Variants in TTC28 observed in about 807,000 individuals in gnomAD.
TTC28 encodes the protein tetratricopeptide repeat protein 28.
Under a neutral mutation model 198.0 loss-of-function variants are expected in TTC28, and 61 were observed. The observed-to-expected ratio is 0.31, with a 90% CI of 0.25 to 0.38. The LOEUF (loss-of-function observed/expected upper bound fraction) is 0.38, where lower values mean the gene tolerates loss of function less well. Among genes scored for constraint, TTC28 ranks in the 10% least tolerant of loss-of-function variants. The pLI is 1.00. For synonymous variants in TTC28, 1,171 were observed against 1,297.8 expected, an observed-to-expected ratio of 0.90 and a Z score of 2.10; for missense variants, 2,678 against 3,164.0, an observed-to-expected ratio of 0.85 and a Z score of 3.69.
At chr22:28,377,561 C>G (rs1050183875) in intron 2 of TTC28, among the ~76,000 whole-genome samples, 2 of 152,114 alleles carry the variant, frequency 1.3e-5, no homozygotes, top group Non-Finnish European at 2.9e-5. Flanking sequence ...TGGGGAACTC[C>G]TGTTTAAGTG....
intron 1 of TTC28, among the ~76,000 whole-genome samples, chr22:28,634,716 C>G (rs947505690): frequency 2.0e-5 from 3 of 151,532 alleles, no homozygotes; most frequent in African/African-American, 7.3e-5. Context: ...TCCTGAGTAG[C>G]TGGGATTACA....
At position 28,306,518 on chromosome 22, in the gene TTC28, G is replaced by A. The variant is rs780367848; in HGVS notation, c.507C>T (p.Ala169=). Residue 169 remains alanine (A), a synonymous_variant, in exon 3 of 23, where the codon GCC becomes GCT. Transcript: ENST00000397906. ...SLQLLVGMVE[A]AMKSPMRDSL... ...TACCTCTCATGGGAGATTTCATGGCGGCTTCCACCATCCCCACCAGAAGCT... is the reference window on the plus strand; with the variant it reads ...TACCTCTCATGGGAGATTTCATGGCAGCTTCCACCATCCCCACCAGAAGCT... 40 of 1,550,136 alleles carry A rather than the reference G, an allele frequency of 2.6e-5. No homozygotes were observed. The highest frequency in any genetic ancestry group is 1.2e-4 in the East Asian group (5 of 40,854).
chr22:28,080,388 G>A (rs541257589), intron 12 of TTC28, among the ~76,000 whole-genome samples: 2 of 152,184 alleles, frequency 1.3e-5, no homozygotes, highest in South Asian at 4.1e-4. Flanking sequence ...TCCTAATGAG[G>A]AAAAAGGTTT....
chr22:28,213,899 T>C (rs1349864876), intron 5 of TTC28, among the ~76,000 whole-genome samples: 5 of 152,072 alleles, frequency 3.3e-5, no homozygotes, highest in Admixed American at 1.3e-4. Flanking sequence ...GCTACAGTAA[T>C]CAAAACAGCA....
intron 2 of TTC28, among the ~76,000 whole-genome samples, chr22:28,383,949 T>G (rs1601721097): frequency 6.6e-6 from 1 of 152,176 alleles, no homozygotes; most frequent in South Asian, 2.1e-4. Context: ...CTATATGATC[T>G]TCCCTCCCCT....
At chr22:28,095,499 A>T (rs571098206) in intron 11 of TTC28, among the ~76,000 whole-genome samples, 13 of 152,320 alleles carry the variant, frequency 8.5e-5, no homozygotes, top group African/African-American at 3.1e-4. Flanking sequence ...ATTACCAATT[A>T]TAAGATCCAC....
At chr22:28,307,787 A>C (rs2045174942) in intron 2 of TTC28, among the ~76,000 whole-genome samples, 1 of 152,208 alleles carries the variant, frequency 6.6e-6, no homozygotes. Flanking sequence ...TTTATAACAC[A>C]AACTTATTTT....
chr22:28,669,868 C>CA (rs1168133460), intron 1 of TTC28, among the ~76,000 whole-genome samples: 5 of 152,048 alleles, frequency 3.3e-5, no homozygotes, highest in East Asian at 1.9e-4. Flanking sequence ...CAATTACTGG[C>CA]AAAAAATGTT....
intron 5 of TTC28, among the ~76,000 whole-genome samples, chr22:28,236,079 A>T (rs1929223550): frequency 6.6e-6 from 1 of 152,108 alleles, no homozygotes; most frequent in Non-Finnish European, 1.5e-5. Flanking sequence ...CCATCACCAA[A>T]TGCCTCGTAA....
At chr22:28,530,586 C>T (rs1471113990) in intron 2 of TTC28, among the ~76,000 whole-genome samples, 2 of 152,108 alleles carry the variant, frequency 1.3e-5, no homozygotes, top group African/African-American at 4.8e-5. Flanking sequence ...TCCAGAAGAG[C>T]AACTCTAAGA....
chr22:28,347,735 G>T (rs1417757384), intron 2 of TTC28, among the ~76,000 whole-genome samples: 1 of 152,112 alleles, frequency 6.6e-6, no homozygotes, highest in Non-Finnish European at 1.5e-5. Flanking sequence ...AGCCAGGTGT[G>T]GTGGCAGACC....
At chr22:28,420,021 T>C (rs2047223664) in intron 2 of TTC28, among the ~76,000 whole-genome samples, 1 of 152,252 alleles carries the variant, frequency 6.6e-6, no homozygotes, top group African/African-American at 2.4e-5. Flanking sequence ...TTTTTTCCTA[T>C]GCAGCAAGTT....
chr22:28,234,488 T>C (rs974735320), intron 5 of TTC28, among the ~76,000 whole-genome samples: 1 of 152,052 alleles, frequency 6.6e-6, no homozygotes, highest in African/African-American at 2.4e-5. Flanking sequence ...TTCTCCTGCC[T>C]CAGCCTCCTG....
intron 2 of TTC28, among the ~76,000 whole-genome samples, chr22:28,465,640 T>C (rs545787546): frequency 2.0e-5 from 3 of 152,130 alleles, no homozygotes; most frequent in East Asian, 1.9e-4. Context: ...AAAAAAATTA[T>C]GCCTTATCCT....
At chr22:28,347,901 T>C (rs1409217143) in intron 2 of TTC28, among the ~76,000 whole-genome samples, 1 of 152,216 alleles carries the variant, frequency 6.6e-6, no homozygotes, top group Non-Finnish European at 1.5e-5. Flanking sequence ...ACCTACGCTG[T>C]CTTACATATT....
chr22:28,033,511 G>T (rs971474078), intron 12 of TTC28, among the ~76,000 whole-genome samples: 1 of 152,144 alleles, frequency 6.6e-6, no homozygotes, highest in South Asian at 2.1e-4. Context: ...GGGTCACATT[G>T]TAGCTGCCTT....
intron 1 of TTC28, among the ~76,000 whole-genome samples, chr22:28,656,140 G>A (rs2051646866): frequency 6.6e-6 from 1 of 152,178 alleles, no homozygotes; most frequent in African/African-American, 2.4e-5. Flanking sequence ...GCTCAGAGGA[G>A]GGACCCAGGG....
At chr22:28,502,538 C>A (rs151234203) in intron 2 of TTC28, among the ~76,000 whole-genome samples, 6 of 151,620 alleles carry the variant, frequency 4.0e-5, no homozygotes, top group Non-Finnish European at 8.8e-5. Context: ...GTCCCAGCTA[C>A]TCGGGAGGCT....
chr22:28,470,611 T>C (rs1046208757), intron 2 of TTC28, among the ~76,000 whole-genome samples: 2 of 152,200 alleles, frequency 1.3e-5, no homozygotes, highest in African/African-American at 4.8e-5. Flanking sequence ...TTTTATCCAA[T>C]AATAGAATTC....
Sources: allele counts gnomAD v4.1 joint callset (sites outside exome capture counted in the v4.1 genomes callset), GRCh38; gene constraint gnomAD v4.1.1; transcripts MANE v1.5; gene names NCBI Gene and HGNC (gene_info 2026-07-23, HGNC 2026-07-21).